RUNX2: variants seen among roughly 807,000 people sequenced by gnomAD.
RUNX2 encodes the protein runt-related transcription factor 2.
RUNX2 carries 10 observed loss-of-function variants against 51.7 expected under a neutral mutation model. The ratio of observed to expected loss-of-function variants is 0.19; its 90% CI spans 0.12 to 0.33. RUNX2 has a LOEUF of 0.33. Ranked by LOEUF, RUNX2 falls within the 10% of genes least tolerant of loss-of-function variation. The pLI is 1.00. For synonymous variants in RUNX2, 276 were observed against 273.6 expected (o/e 1.01, Z -0.09); for missense variants, 562 against 691.3 (o/e 0.81, Z 2.10).
At chr6:45,545,515 G>T (rs527812881) in intron 8 of RUNX2, among the ~76,000 whole-genome samples, 2 of 152,246 alleles carry the variant, frequency 1.3e-5, no homozygotes, top group East Asian at 3.9e-4. Flanking sequence ...AAAGTGTTCG[G>T]ATTATTCCCT....
chr6:45,373,545 TTGTG>T (rs368652949), intron 2 of RUNX2, among the ~76,000 whole-genome samples: 1 of 150,192 alleles, frequency 6.7e-6, no homozygotes, highest in Admixed American at 6.7e-5. Flanking sequence ...AAAATATTAT[TTGTG>T]TGTGTGTGTG....
chr6:45,480,007 C>G (rs1800064460), intron 5 of RUNX2, among the ~76,000 whole-genome samples: 1 of 152,206 alleles, frequency 6.6e-6, no homozygotes, highest in Non-Finnish European at 1.5e-5. Flanking sequence ...TGTGAGTAAA[C>G]TCCAGTAGTT....
At chr6:45,372,958 GC>G (rs1563047205) in intron 2 of RUNX2, among the ~76,000 whole-genome samples, 1 of 151,968 alleles carries the variant, frequency 6.6e-6, no homozygotes, top group African/African-American at 2.4e-5. Context: ...GCAGGTGCAC[GC>G]CAAGACACGC....
At chr6:45,428,855 T>TTC (rs1554385696) in intron 3 of RUNX2, among the ~76,000 whole-genome samples, 8 of 150,088 alleles carry the variant, frequency 5.3e-5, no homozygotes, top group Non-Finnish European at 7.4e-5. Flanking sequence ...TTTTTTTTTT[T>TTC]CGGAAATGTA....
chr6:45,392,674 G>A (rs563592739), intron 2 of RUNX2, among the ~76,000 whole-genome samples: 1 of 150,756 alleles, frequency 6.6e-6, no homozygotes, highest in African/African-American at 2.4e-5. Context: ...TTAATTTCTA[G>A]GTGTGGAAAT....
intron 2 of RUNX2, among the ~76,000 whole-genome samples, chr6:45,332,154 G>T (rs558846936): frequency 6.6e-6 from 1 of 151,674 alleles, no homozygotes; most frequent in African/African-American, 2.4e-5. Context: ...CACACTGGTG[G>T]TCCTCAAGTA....
At position 45,545,405 on chromosome 6, in the gene RUNX2, C is replaced by T. The variant is rs894151898; in HGVS notation, c.1087+123C>T. 3 of 1,047,856 alleles carry T rather than the reference C, an allele frequency of 2.9e-6. No individual in the cohort carries two copies. The African/African-American group carries it at 4.8e-5, about 17-fold the overall frequency. The allele number at this position is 1,047,856 out of a possible 1,614,324, so 64.9% of individuals were successfully genotyped here. On this transcript the variant is annotated intron_variant, in intron 8 of 8. Transcript: ENST00000647337. Reference sequence around the variant, plus strand: ...GCTTTTAAAGAGTCACTTTTTATTACAAATGCACATCATGGCACTTAACCC... The same window carrying T: ...GCTTTTAAAGAGTCACTTTTTATTATAAATGCACATCATGGCACTTAACCC...
At chr6:45,540,081 G>A (rs950305773) in intron 7 of RUNX2, among the ~76,000 whole-genome samples, 1 of 152,182 alleles carries the variant, frequency 6.6e-6, no homozygotes, top group African/African-American at 2.4e-5. Flanking sequence ...CATGGGCAAA[G>A]CTCCCGTGAG....
At chr6:45,474,622 TC>T (rs1799903362) in intron 5 of RUNX2, among the ~76,000 whole-genome samples, 1 of 152,120 alleles carries the variant, frequency 6.6e-6, no homozygotes, top group Admixed American at 6.6e-5. Context: ...AGTTGAAATG[TC>T]CCTTTGAGCA....
intron 5 of RUNX2, among the ~76,000 whole-genome samples, chr6:45,486,119 G>A (rs1304889742): frequency 1.3e-5 from 2 of 152,046 alleles, no homozygotes; most frequent in African/African-American, 2.4e-5. Context: ...TTCTGAATAA[G>A]AAGGACATTT....
chr6:45,452,455 C>T (rs1207911764), intron 5 of RUNX2, among the ~76,000 whole-genome samples: 1 of 152,144 alleles, frequency 6.6e-6, no homozygotes, highest in Non-Finnish European at 1.5e-5. Flanking sequence ...AAGAAAGAGC[C>T]CTGTTTTCAG....
At chr6:45,344,188 G>A (rs1037167186) in intron 2 of RUNX2, among the ~76,000 whole-genome samples, 11 of 152,164 alleles carry the variant, frequency 7.2e-5, no homozygotes, top group Non-Finnish European at 1.5e-4. Context: ...AGTATACAAA[G>A]AGTTAGACCA....
At chr6:45,435,055 A>C (rs192940472) in intron 4 of RUNX2, among the ~76,000 whole-genome samples, 1 of 152,182 alleles carries the variant, frequency 6.6e-6, no homozygotes, top group Non-Finnish European at 1.5e-5. Flanking sequence ...TGTAGTTGTT[A>C]ATTACATCTT....
Position 45,508,110 on chromosome 6 carries a change from G to A in RUNX2, c.860-4136G>A, listed in dbSNP as rs1033508436. The stretch of plus-strand genomic sequence containing the variant: ...CACAAGGTATTAGAGAAGGCATGGG[G>A]GTGTTTGGAGACCATGGCTTTTGTT... On this transcript the variant is annotated intron_variant, in intron 6 of 8. Coordinates refer to ENST00000647337, the MANE Select transcript of RUNX2 (RefSeq NM_001024630.4). Among the ~76,000 whole-genome samples, 3 of 152,118 alleles carry A rather than the reference G, an allele frequency of 2.0e-5. No homozygotes were observed. The South Asian group carries it at 6.2e-4, about 32-fold the overall frequency.
chr6:45,387,802 T>A (rs1363116136), intron 2 of RUNX2, among the ~76,000 whole-genome samples: 1 of 152,086 alleles, frequency 6.6e-6, no homozygotes, highest in Non-Finnish European at 1.5e-5. Context: ...GAGAGCAGAG[T>A]TTCAGAGAGG....
rs531831797 is a variant in RUNX2 at position 45,508,148 on chromosome 6, A to G, written c.860-4098A>G. Among the ~76,000 whole-genome samples the G allele has an allele frequency of 8.0e-5, 12 of 149,404 alleles. No individual in the cohort carries two copies. In the East Asian group the frequency reaches 1.8e-3, roughly 22 times the overall value. ...CATGGCTTTTGTTTAAAAGGTTGCT[A>G]TCCTCTTTAAAATTGTTTTTTATGC... is the stretch of plus-strand genomic sequence containing the variant. On this transcript the variant is annotated intron_variant, in intron 6 of 8. Transcript: ENST00000647337.
At chr6:45,522,523 G>A (rs150436928) in intron 7 of RUNX2, among the ~76,000 whole-genome samples, 3 of 152,168 alleles carry the variant, frequency 2.0e-5, no homozygotes, top group South Asian at 2.1e-4. Context: ...TAAAAATTAC[G>A]TATGTTTGAT....
intron 5 of RUNX2, among the ~76,000 whole-genome samples, chr6:45,474,371 ATATGTGTGTG>A (rs1799893297): frequency 9.3e-6 from 1 of 108,018 alleles, no homozygotes; most frequent in African/African-American, 4.7e-5. Context: ...TATGTTTTAT[ATATGTGTGTG>A]TGTGTGTGTG....
intron 5 of RUNX2, among the ~76,000 whole-genome samples, chr6:45,480,968 T>A (rs980157327): frequency 2.6e-5 from 4 of 152,238 alleles, no homozygotes; most frequent in Non-Finnish European, 5.9e-5. Context: ...TTTCTTCCTG[T>A]TACAGAAATG....
Sources: allele counts gnomAD v4.1 joint callset (sites outside exome capture counted in the v4.1 genomes callset), GRCh38; gene constraint gnomAD v4.1.1; transcripts MANE v1.5; gene names NCBI Gene and HGNC (gene_info 2026-07-23, HGNC 2026-07-21).